Variants in RIDA observed in about 807,000 individuals in gnomAD.
The protein encoded by RIDA is 2-iminobutanoate/2-iminopropanoate deaminase.
In RIDA, 17 loss-of-function variants were observed where a neutral mutation model predicts 17.8. The ratio of observed to expected loss-of-function variants is 0.96; its 90% CI spans 0.65 to 1.43. The LOEUF (loss-of-function observed/expected upper bound fraction) is 1.43, where lower values mean the gene tolerates loss of function less well. RIDA is among the 40% of genes most tolerant of loss of function. The pLI, the probability that RIDA is intolerant of heterozygous loss-of-function variation, is 0.00. For synonymous variants in RIDA, 48 were observed against 55.7 expected (o/e 0.86, Z 0.62); for missense variants, 158 against 161.7 (o/e 0.98, Z 0.12).
In RIDA at chr8:98,117,122, C is replaced by T; in HGVS notation, c.-26G>A. The T allele has an allele frequency of 1.2e-6, 2 of 1,611,968 alleles. No individual in the cohort carries two copies. The highest frequency in any genetic ancestry group is 1.7e-6 in the Non-Finnish European group (2 of 1,177,976). Reference sequence around the variant, plus strand: ...GGCTAAGCCTTCCCTCTTGCAGCCCCTTCAGGAGAAGAAGCCCCAGCACCA... The same window carrying T: ...GGCTAAGCCTTCCCTCTTGCAGCCCTTTCAGGAGAAGAAGCCCCAGCACCA... On this transcript the variant is annotated 5_prime_UTR_variant, in exon 1 of 6. Coordinates refer to ENST00000254878, the MANE Select transcript of RIDA (RefSeq NM_005836.3).
chr8:98,103,408 A>G (rs1348339077), intron 5 of RIDA, among the ~76,000 whole-genome samples: 1 of 152,250 alleles, frequency 6.6e-6, no homozygotes, highest in Non-Finnish European at 1.5e-5. Flanking sequence ...GCTTTTTTAT[A>G]GGCAGGAATA....
chr8:98,108,862 AGATACATTG>A, intron 1 of RIDA, 111 bp from the exon 2 acceptor site: 1 of 626,048 alleles, frequency 1.6e-6, no homozygotes, highest in Non-Finnish European at 2.8e-6. Flanking sequence ...AAAAAAAAAC[AGATACATTG>A]GACTTCATGA....
rs943002018 is a variant in RIDA, at chr8:98,105,945, G to T, written c.288C>A (p.Tyr96Ter). The change falls in exon 4 of 6, where the codon TAC becomes TAA. Residue 96 changes from tyrosine to a stop codon, truncating the protein, a stop_gained. Transcript: ENST00000254878. LOFTEE classifies it high-confidence loss of function. ...TAAAGCCAAATTACTTACACTGTTT[G>T]TAGATTTCATTGACAGTATTGAAGT... Reference protein sequence around the residue: ...INDFNTVNEIYKQYFKSNFPA... With the variant: ...INDFNTVNEI The T allele has an allele frequency of 6.9e-6, 11 of 1,597,670 alleles. No homozygotes were observed. The highest frequency in any genetic ancestry group is 2.7e-5 in the African/African-American group (2 of 74,558).
At chr8:98,103,272 C>T (rs959961451) in intron 5 of RIDA, among the ~76,000 whole-genome samples, 1 of 152,230 alleles carries the variant, frequency 6.6e-6, no homozygotes, top group Non-Finnish European at 1.5e-5. Context: ...CTTTCTACTA[C>T]ACCCAGTACC....
At chr8:98,106,145 T>G in intron 3 of RIDA, 127 bp downstream of exon 3, 1 of 1,077,520 alleles carries the variant, frequency 9.3e-7, no homozygotes. Flanking sequence ...AGTAGAACAG[T>G]TGCTATTTAA....
intron 5 of RIDA, among the ~76,000 whole-genome samples, chr8:98,103,161 G>A (rs1815583823): frequency 6.6e-6 from 1 of 152,156 alleles, no homozygotes. Flanking sequence ...TCAATTCACA[G>A]AATGATATGC....
chr8:98,116,718 C>T (rs888201690), intron 1 of RIDA, among the ~76,000 whole-genome samples: 1 of 151,664 alleles, frequency 6.6e-6, no homozygotes, highest in Non-Finnish European at 1.5e-5. Context: ...CTCAATAAAG[C>T]TGTTACCAAG....
At chr8:98,103,038 GGAAATATTCACCAA>G in intron 5 of RIDA, 134 bp from the exon 6 acceptor site, 1 of 618,472 alleles carries the variant, frequency 1.6e-6, no homozygotes, top group East Asian at 2.8e-5. Context: ...GAAAGGAGAA[GGAAATATTCACCAA>G]GAACCTATAA....
At chr8:98,104,034 T>C (rs926849665) in intron 5 of RIDA, among the ~76,000 whole-genome samples, 1 of 152,014 alleles carries the variant, frequency 6.6e-6, no homozygotes, top group Non-Finnish European at 1.5e-5. Flanking sequence ...ATATGGGATA[T>C]TTCCTTTCAG....
At position 98,106,299 on chromosome 8, in the gene RIDA, T is replaced by A; in HGVS notation, c.199A>T (p.Lys67Ter). 6.2e-7 allele frequency: 1 copy of A among 1,613,900 alleles called. No individual in the cohort carries two copies. Residue 67 changes from lysine to a stop codon, truncating the protein, a stop_gained, in exon 3 of 6, where the codon AAA becomes TAA. Coordinates refer to ENST00000254878, the MANE Select transcript of RIDA (RefSeq NM_005836.3). LOFTEE classifies it high-confidence loss of function. ...QALKNMGEIL[K>*]AAGCDFTNVV... ...TTAGTGAAGTCACAGCCTGCAGCTT[T>A]CAGAATTTCACCCATGTTTTTAAGA...
intron 1 of RIDA, chr8:98,113,874 C>T (rs1169698420): frequency 6.6e-6 from 1 of 152,148 alleles, no homozygotes; most frequent in East Asian, 1.9e-4. Context: ...AAAAAAATCA[C>T]AAATTTTTAC....
intron 1 of RIDA, among the ~76,000 whole-genome samples, chr8:98,111,907 C>T (rs964245278): frequency 6.6e-6 from 1 of 152,042 alleles, no homozygotes; most frequent in Admixed American, 6.6e-5. Context: ...GTTCCCAGCC[C>T]AGAACCATTG....
At chr8:98,116,659 TG>T (rs1448829372) in intron 1 of RIDA, among the ~76,000 whole-genome samples, 1 of 152,166 alleles carries the variant, frequency 6.6e-6, no homozygotes, top group Non-Finnish European at 1.5e-5. Flanking sequence ...TCAAAACCAC[TG>T]AATTGTACAT....
At chr8:98,103,815 A>ATTTT (rs918652462) in intron 5 of RIDA, among the ~76,000 whole-genome samples, 1 of 151,076 alleles carries the variant, frequency 6.6e-6, no homozygotes, top group South Asian at 2.1e-4. Flanking sequence ...TTTTTTTTGT[A>ATTTT]TTTTTAGTAG....
intron 3 of RIDA, 60 bp downstream of exon 3, chr8:98,106,212 T>C: frequency 6.6e-7 from 1 of 1,521,472 alleles, no homozygotes; most frequent in East Asian, 2.3e-5. Context: ...ATGCCATATA[T>C]TTTTCAAAAA....
At chr8:98,110,273 G>GT (rs1425649243) in intron 1 of RIDA, among the ~76,000 whole-genome samples, 1 of 152,034 alleles carries the variant, frequency 6.6e-6, no homozygotes, top group Non-Finnish European at 1.5e-5. Flanking sequence ...TGGGTGACTT[G>GT]TTTTTTTGAG....
intron 4 of RIDA, among the ~76,000 whole-genome samples, chr8:98,105,120 C>CAAAAAA (rs11354936): frequency 5.7e-5 from 5 of 88,056 alleles, no homozygotes; most frequent in Non-Finnish European, 8.5e-5. Flanking sequence ...AGCTTTCTGG[C>CAAAAAA]AAAAAAAAAA....
At chr8:98,111,736 C>T (rs1045011444) in intron 1 of RIDA, among the ~76,000 whole-genome samples, 1 of 151,974 alleles carries the variant, frequency 6.6e-6, no homozygotes, top group African/African-American at 2.4e-5. Context: ...CCAAACTTTC[C>T]TCTTTTATTT....
At chr8:98,110,197 C>G (rs1479655427) in intron 1 of RIDA, among the ~76,000 whole-genome samples, 2 of 152,166 alleles carry the variant, frequency 1.3e-5, no homozygotes, top group African/African-American at 2.4e-5. Flanking sequence ...TAAAATTTGA[C>G]TATTATAGTG....
Sources: allele counts gnomAD v4.1 joint callset (sites outside exome capture counted in the v4.1 genomes callset), GRCh38; gene constraint gnomAD v4.1.1; transcripts MANE v1.5; gene names NCBI Gene and HGNC (gene_info 2026-07-23, HGNC 2026-07-21).